The following AUTS2 variants were observed in gnomAD, a reference collection of about 807,000 sequenced individuals.
AUTS2 encodes activator of transcription and developmental regulator AUTS2.
In AUTS2, 17 loss-of-function variants were observed where a neutral mutation model predicts 112.4. That is an observed-to-expected ratio of 0.15 (90% CI 0.10 to 0.23). The LOEUF (loss-of-function observed/expected upper bound fraction) is 0.23, where lower values mean the gene tolerates loss of function less well. Among genes scored for constraint, AUTS2 ranks in the 10% least tolerant of loss-of-function variants. The pLI is 1.00. For synonymous variants in AUTS2, 751 were observed against 702.7 expected, an observed-to-expected ratio of 1.07 and a Z score of -1.09; for missense variants, 1,510 against 1,701.6, an observed-to-expected ratio of 0.89 and a Z score of 1.98.
In AUTS2 at chr7:70,091,627, T is replaced by G. The variant is rs78446826; in HGVS notation, c.523-26505T>G. Among the ~76,000 whole-genome samples, 788 of 152,334 alleles carry G rather than the reference T, an allele frequency of 5.2e-3. 14 individuals are homozygous for G. Among genetic ancestry groups the G allele is most frequent in the African/African-American group, 0.018 (736 of 41,576 alleles). On this transcript the variant is annotated intron_variant, in intron 2 of 18. Coordinates refer to ENST00000342771, the MANE Select transcript of AUTS2 (RefSeq NM_015570.4). ...AAGGAAGCCAGGTACTAAACCACTC[T>G]GCTGTTACAGTCACTGTTCTTCTTT... is the stretch of plus-strand genomic sequence containing the variant.
intron 1 of AUTS2, among the ~76,000 whole-genome samples, chr7:69,888,567 A>C (rs576234836): frequency 7.3e-6 from 1 of 136,346 alleles, no homozygotes; most frequent in East Asian, 2.2e-4. Context: ...ATATATATAT[A>C]TATATGTATG....
intron 2 of AUTS2, among the ~76,000 whole-genome samples, chr7:70,026,489 A>G (rs1223904358): frequency 2.0e-5 from 3 of 152,160 alleles, no homozygotes; most frequent in Admixed American, 2.0e-4. Context: ...TTGTTGTTCC[A>G]AGGCCTAATT....
intron 6 of AUTS2, among the ~76,000 whole-genome samples, chr7:70,734,326 G>A (rs1425094309): frequency 6.6e-6 from 1 of 152,092 alleles, no homozygotes; most frequent in Non-Finnish European, 1.5e-5. Context: ...TGTAGTCCCA[G>A]CTACTCGGGG....
intron 5 of AUTS2, among the ~76,000 whole-genome samples, chr7:70,608,475 C>G (rs1043444705): frequency 6.6e-6 from 1 of 152,172 alleles, no homozygotes; most frequent in Non-Finnish European, 1.5e-5. Context: ...TTAAATGCCT[C>G]TGCCCATAGT....
At chr7:70,084,952 A>G (rs1803517627) in intron 2 of AUTS2, among the ~76,000 whole-genome samples, 2 of 152,168 alleles carry the variant, frequency 1.3e-5, no homozygotes, top group African/African-American at 4.8e-5. Context: ...AGCTCACCGT[A>G]ACCTTGAACT....
intron 17 of AUTS2, among the ~76,000 whole-genome samples, chr7:70,786,577 G>A (rs1791496935): frequency 6.6e-6 from 1 of 152,142 alleles, no homozygotes; most frequent in African/African-American, 2.4e-5. Flanking sequence ...ATTAGGAGAA[G>A]AATTACAACC....
intron 5 of AUTS2, among the ~76,000 whole-genome samples, chr7:70,645,761 C>T (rs1393837704): frequency 6.6e-6 from 1 of 152,122 alleles, no homozygotes; most frequent in East Asian, 1.9e-4. Context: ...GCGTACTGTG[C>T]TGTATTCTAT....
intron 5 of AUTS2, among the ~76,000 whole-genome samples, chr7:70,561,387 G>A (rs1473421968): frequency 6.6e-6 from 1 of 152,192 alleles, no homozygotes; most frequent in Non-Finnish European, 1.5e-5. Flanking sequence ...CAGCACTTTG[G>A]GAGGCTGTGG....
intron 6 of AUTS2, among the ~76,000 whole-genome samples, chr7:70,704,593 T>C (rs939108793): frequency 1.3e-5 from 2 of 152,228 alleles, no homozygotes; most frequent in Non-Finnish European, 2.9e-5. Context: ...TAGTTAGTAT[T>C]TGGTTGTCTC....
intron 6 of AUTS2, among the ~76,000 whole-genome samples, chr7:70,730,669 A>G (rs1214109052): frequency 6.9e-6 from 1 of 144,412 alleles, no homozygotes; most frequent in Non-Finnish European, 1.5e-5. Flanking sequence ...CGGACATTCA[A>G]GTTGCTTCTA....
rs1195381602 is a variant in AUTS2 at position 70,763,320 on chromosome 7, G to T, written c.1193G>T (p.Ser398Ile). The T allele has an allele frequency of 6.3e-7, 1 of 1,583,802 alleles. No homozygotes were observed. The highest frequency in any genetic ancestry group is 1.3e-5 in the African/African-American group (1 of 74,150). The change falls in exon 7 of 19, where the codon AGC becomes ATC. Residue 398 changes from serine to isoleucine, a missense_variant. Ser to Ile is a moderately radical substitution (Grantham distance 142). This residue lies in a region of AUTS2 where 535 missense variants were observed against 594.3 expected (regional missense o/e 0.90). Transcript: ENST00000342771. Reference sequence around the variant, plus strand: ...CCATTGTCAGCCTACAACAGCAGTAGCTTAAGCCTCAACAGTTTAAGGTGA... The same window carrying T: ...CCATTGTCAGCCTACAACAGCAGTATCTTAAGCCTCAACAGTTTAAGGTGA... The part of the protein sequence containing the change: ...SQPLSAYNSS[S>I]LSLNSLSSSR...
intron 6 of AUTS2, among the ~76,000 whole-genome samples, chr7:70,761,657 G>A (rs914484404): frequency 6.6e-6 from 1 of 152,180 alleles, no homozygotes; most frequent in Non-Finnish European, 1.5e-5. Flanking sequence ...TTTTTATGGA[G>A]TTTGGCTTAT....
intron 1 of AUTS2, among the ~76,000 whole-genome samples, chr7:69,785,551 G>A (rs1375425212): frequency 3.9e-5 from 6 of 152,214 alleles, no homozygotes; most frequent in Admixed American, 2.0e-4. Flanking sequence ...TCCCTTCTGC[G>A]GAGCAGAGTG....
intron 4 of AUTS2, among the ~76,000 whole-genome samples, chr7:70,341,046 T>C (rs1301127644): frequency 6.6e-6 from 1 of 152,234 alleles, no homozygotes; most frequent in Non-Finnish European, 1.5e-5. Context: ...GTTTTCCTCT[T>C]TTCCAATGTT....
At chr7:70,419,740 A>G (rs1035257043) in intron 4 of AUTS2, among the ~76,000 whole-genome samples, 18 of 152,240 alleles carry the variant, frequency 1.2e-4, no homozygotes, top group African/African-American at 3.9e-4. Flanking sequence ...CCAGAAGTAT[A>G]TGAGTGTCTG....
intron 1 of AUTS2, among the ~76,000 whole-genome samples, chr7:69,891,340 A>G (rs950688545): frequency 2.0e-5 from 3 of 152,172 alleles, no homozygotes; most frequent in African/African-American, 7.2e-5. Flanking sequence ...GTAGTATTCC[A>G]TTGATTGGTT....
chr7:69,874,719 C>T (rs948918569), intron 1 of AUTS2, among the ~76,000 whole-genome samples: 1 of 151,964 alleles, frequency 6.6e-6, no homozygotes, highest in African/African-American at 2.4e-5. Flanking sequence ...AGTGCAGTGA[C>T]GCGATCTCGG....
At chr7:70,064,330 T>C (rs912948349) in intron 2 of AUTS2, among the ~76,000 whole-genome samples, 9 of 152,186 alleles carry the variant, frequency 5.9e-5, no homozygotes, top group Admixed American at 2.0e-4. Context: ...CTCACTCTTA[T>C]AGGCAGAAAA....
At chr7:70,724,816 A>G (rs1786931318) in intron 6 of AUTS2, among the ~76,000 whole-genome samples, 2 of 152,178 alleles carry the variant, frequency 1.3e-5, no homozygotes, top group Admixed American at 1.3e-4. Flanking sequence ...AGTAGTACTT[A>G]ATCTAGAGGG....
Sources: allele counts gnomAD v4.1 joint callset (sites outside exome capture counted in the v4.1 genomes callset), GRCh38; gene constraint gnomAD v4.1.1; regional missense constraint gnomAD v4.1.1; transcripts MANE v1.5; gene names NCBI Gene and HGNC (gene_info 2026-07-23, HGNC 2026-07-21).